The following PDPN variants were observed in gnomAD, a reference collection of about 807,000 sequenced individuals.
PDPN encodes podoplanin, also known as PA2.26 antigen.
A neutral mutation model predicts 23.2 loss-of-function variants in PDPN; 12 were observed. The observed-to-expected ratio is 0.52, with a 90% confidence interval of 0.33 to 0.84. The LOEUF is 0.84. Among genes scored for constraint, PDPN ranks in the 40% least tolerant of loss-of-function variants. The probability of loss-of-function intolerance (pLI) is 0.02; values close to 1 mark genes in which losing one functional copy is unlikely to be tolerated. For missense variants in PDPN, 199 were observed against 212.2 expected (o/e 0.94, Z 0.39); for synonymous variants, 77 against 76.7 (o/e 1.00, Z -0.02).
At chr1:13,607,394 A>C in intron 2 of PDPN, 88 bp downstream of exon 2, 1 of 941,142 alleles carries the variant, frequency 1.1e-6, no homozygotes, top group Non-Finnish European at 1.5e-6. Flanking sequence ...TTTATATAAA[A>C]ATATATCTAT....
At chr1:13,613,585 G>A (rs1261860316) in intron 3 of PDPN, 102 bp from the exon 4 acceptor site, 1 of 701,130 alleles carries the variant, frequency 1.4e-6, no homozygotes, top group Admixed American at 2.5e-5. Flanking sequence ...CTTGGTTTAT[G>A]TTTTGCTGCT....
Position 13,617,341 on chromosome 1 carries a change from A to G in PDPN, c.*1430A>G, listed in dbSNP as rs770365246. ...TGCAATGATGTCTGGATGTTATTTTAAACAGTGTGTCTGTGTGTTCCCAAA... is the reference window on the plus strand; with the variant it reads ...TGCAATGATGTCTGGATGTTATTTTGAACAGTGTGTCTGTGTGTTCCCAAA... On this transcript the variant is annotated 3_prime_UTR_variant, in exon 6 of 6. Transcript: ENST00000621990. 2 of 152,194 alleles carry G rather than the reference A, an allele frequency of 1.3e-5. No individual in the cohort carries two copies. The highest frequency in any genetic ancestry group is 2.9e-5 in the Non-Finnish European group (2 of 68,032). 9.4% of individuals were successfully genotyped at this position (152,194 alleles called of 1,614,324 possible).
intron 1 of PDPN, chr1:13,585,619 G>C (rs761960890): frequency 7.4e-7 from 1 of 1,352,026 alleles, no homozygotes; most frequent in South Asian, 1.1e-5. Context: ...ATTCCCTTCA[G>C]CCGGCTCCTG....
intron 1 of PDPN, among the ~76,000 whole-genome samples, chr1:13,592,404 C>T (rs1256741772): frequency 1.3e-5 from 2 of 151,008 alleles, no homozygotes; most frequent in African/African-American, 2.4e-5. Flanking sequence ...CAGCGATTTA[C>T]TCTTACAGTT....
chr1:13,584,673 T>C (rs1640127042), intron 1 of PDPN, among the ~76,000 whole-genome samples: 1 of 152,142 alleles, frequency 6.6e-6, no homozygotes, highest in Non-Finnish European at 1.5e-5. Context: ...TTAGAGAGGA[T>C]AGTGTGTGTG....
chr1:13,584,415 C>T (rs1027817221), intron 1 of PDPN: 2 of 1,060,978 alleles, frequency 1.9e-6, no homozygotes, highest in South Asian at 1.7e-5. Flanking sequence ...CAGTAGGCAG[C>T]CCCGCTTGCT....
chr1:13,606,807 A>G (rs1296739447), intron 1 of PDPN, among the ~76,000 whole-genome samples: 1 of 152,232 alleles, frequency 6.6e-6, no homozygotes, highest in Non-Finnish European at 1.5e-5. Flanking sequence ...TTAGGTCCAG[A>G]TGAATATATT....
At chr1:13,612,904 T>C (rs1640970521) in intron 3 of PDPN, among the ~76,000 whole-genome samples, 1 of 70,490 alleles carries the variant, frequency 1.4e-5, no homozygotes, top group African/African-American at 5.5e-5. Context: ...CAAGGCATCT[T>C]GACTTTTTCT....
chr1:13,583,991 C>A lies in PDPN; in HGVS notation c.-43C>A. 1 of 1,613,636 alleles carries A rather than the reference C, an allele frequency of 6.2e-7. No homozygotes were observed. The highest frequency in any genetic ancestry group is 8.5e-7 in the Non-Finnish European group (1 of 1,179,976). ...TTTTAATTTTCCCCCAGCTCAGAAT[C>A]TTGCTGCTCGGCCCCCAGGAGAGCA... is the stretch of plus-strand genomic sequence containing the variant. On this transcript the variant is annotated 5_prime_UTR_variant, in exon 1 of 6. Coordinates refer to ENST00000621990, the MANE Select transcript of PDPN (RefSeq NM_006474.5).
At chr1:13,594,076 C>G (rs1198771034) in intron 1 of PDPN, among the ~76,000 whole-genome samples, 1 of 152,188 alleles carries the variant, frequency 6.6e-6, no homozygotes, top group Non-Finnish European at 1.5e-5. Flanking sequence ...CATGTTTGTG[C>G]TTGATGAGTG....
At chr1:13,592,096 G>A (rs1241020979) in intron 1 of PDPN, among the ~76,000 whole-genome samples, 2 of 152,098 alleles carry the variant, frequency 1.3e-5, no homozygotes, top group Admixed American at 6.5e-5. Context: ...GCACTTCTTC[G>A]CCAATTGTGT....
chr1:13,601,738 G>A (rs992475983), intron 1 of PDPN, among the ~76,000 whole-genome samples: 3 of 152,146 alleles, frequency 2.0e-5, no homozygotes, highest in African/African-American at 7.2e-5. Context: ...TTATCAGGGT[G>A]ATTGGCTAAT....
Position 13,610,367 on chromosome 1 carries a change from C to T in PDPN, c.202-20C>T. ...CAGTAGGCTTTATTTCCTGTTTTTC[C>T]TCATTTACACCTACAATAGGTGGCA... On this transcript the variant is annotated intron_variant, in intron 2 of 5. Transcript: ENST00000621990. The T allele has an allele frequency of 6.2e-7, 1 of 1,601,510 alleles. No homozygotes were observed. The highest frequency in any genetic ancestry group is 2.2e-5 in the East Asian group (1 of 44,558).
chr1:13,606,639 G>A (rs1330747442), intron 1 of PDPN, among the ~76,000 whole-genome samples: 1 of 152,008 alleles, frequency 6.6e-6, no homozygotes, highest in Non-Finnish European at 1.5e-5. Context: ...CTGTACTCTA[G>A]CCTCAGCAAC....
In PDPN at chr1:13,584,120, G is replaced by T; in HGVS notation, c.67+20G>T. 6.2e-7 allele frequency: 1 copy of T among 1,611,578 alleles called. No individual in the cohort carries two copies. The highest frequency in any genetic ancestry group is 8.5e-7 in the Non-Finnish European group (1 of 1,179,012). The stretch of plus-strand genomic sequence containing the variant: ...AAGGAGGTAAGACCCAGCGCAAGTG[G>T]CTTCCTGCCGTCGCTGATGGGGACG... On this transcript the variant is annotated intron_variant, in intron 1 of 5. Coordinates refer to ENST00000621990, the MANE Select transcript of PDPN (RefSeq NM_006474.5).
chr1:13,611,474 AC>A (rs1397963478), intron 3 of PDPN, among the ~76,000 whole-genome samples: 1 of 152,154 alleles, frequency 6.6e-6, no homozygotes, highest in Non-Finnish European at 1.5e-5. Context: ...ATAAACCAGT[AC>A]AAAAAAAAAT....
At chr1:13,597,976 A>G (rs1343302357) in intron 1 of PDPN, among the ~76,000 whole-genome samples, 1 of 152,044 alleles carries the variant, frequency 6.6e-6, no homozygotes, top group Non-Finnish European at 1.5e-5. Context: ...CCCTGTCTCA[A>G]AAAAAGGATT....
At chr1:13,591,486 C>T (rs1222458565) in intron 1 of PDPN, among the ~76,000 whole-genome samples, 1 of 152,106 alleles carries the variant, frequency 6.6e-6, no homozygotes, top group Non-Finnish European at 1.5e-5. Flanking sequence ...CCCCAAGAGC[C>T]CCAAACTGTC....
chr1:13,601,509 A>G (rs976408201), intron 1 of PDPN, among the ~76,000 whole-genome samples: 1 of 152,192 alleles, frequency 6.6e-6, no homozygotes, highest in Non-Finnish European at 1.5e-5. Context: ...GGCATGTGCT[A>G]TCCTGCCTAC....
Sources: gnomAD v4.1 joint callset for allele counts (sites outside exome capture counted in the v4.1 genomes callset) on GRCh38, gnomAD v4.1.1 for gene constraint, MANE v1.5 for transcripts, NCBI Gene and HGNC (gene_info 2026-07-23, HGNC 2026-07-21) for gene names.